Variants in PPP1R16A observed in about 807,000 individuals in gnomAD.
The protein encoded by PPP1R16A is protein phosphatase 1 regulatory subunit 16A.
A neutral mutation model predicts 46.6 loss-of-function variants in PPP1R16A; 39 were observed. The ratio of observed to expected loss-of-function variants is 0.84; its 90% CI spans 0.65 to 1.09. The LOEUF (loss-of-function observed/expected upper bound fraction) is 1.09. PPP1R16A is among the 50% of genes least tolerant of loss of function. The pLI is 0.00. For synonymous variants in PPP1R16A, 413 were observed against 321.5 expected, an observed-to-expected ratio of 1.28 and a Z score of -3.04; for missense variants, 798 against 735.6, an observed-to-expected ratio of 1.08 and a Z score of -0.98.
rs1336468872 is a variant in PPP1R16A at position 144,497,446 on chromosome 8, GGAA to G, written c.257_259del (p.Glu86del). The G allele has an allele frequency of 1.2e-6, 2 of 1,612,866 alleles. No individual in the cohort carries two copies. Among genetic ancestry groups the G allele is most frequent in the Non-Finnish European group, 8.5e-7 (1 of 1,180,004 alleles). The stretch of plus-strand genomic sequence containing the variant: ...TGGAGGCCGCTGCCCGAAATGACCT[GGAA>G]GAAGGTGAGTGTGGCTGAGCCCAGA... On this transcript the variant is annotated inframe_deletion, in exon 3 of 12. Transcript: ENST00000435887.
chr8:144,494,613 C>T (rs919192240), intron 2 of PPP1R16A, among the ~76,000 whole-genome samples: 1 of 152,206 alleles, frequency 6.6e-6, no homozygotes, highest in African/African-American at 2.4e-5. Context: ...AAATCTTAAT[C>T]TTTCCTTCCC....
In PPP1R16A at chr8:144,493,700, C is replaced by A. The variant is rs1259173915; in HGVS notation, c.-734-2761C>A. On this transcript the variant is annotated intron_variant, in intron 2 of 11. Coordinates refer to ENST00000435887, the MANE Select transcript of PPP1R16A (RefSeq NM_001329443.2). This position sits in a 1 kb window ranked among gnomAD's most constrained non-coding sequence, Gnocchi z 4.3. Reference sequence around the variant, plus strand: ...TGGGGGGAGGTGGGCACTGGGACACCCCCTGGCACCCACTCTTGGGGGGCC... The same window carrying A: ...TGGGGGGAGGTGGGCACTGGGACACACCCTGGCACCCACTCTTGGGGGGCC... 6.6e-6 allele frequency among the ~76,000 whole-genome samples: 1 copy of A among 152,040 alleles called. No homozygotes were observed. Among genetic ancestry groups the A allele is most frequent in the Non-Finnish European group, 1.5e-5 (1 of 67,974 alleles).
Position 144,500,396 on chromosome 8 carries a change from G to C in PPP1R16A, c.705+5G>C. 6.6e-7 allele frequency: 1 copy of C among 1,523,608 alleles called. No individual in the cohort carries two copies. The allele number at this position is 1,523,608 out of a possible 1,614,324, so 94.4% of individuals were successfully genotyped here. A position where few individuals can be genotyped will look rare whatever the true frequency, so the allele number is the denominator to read the frequency against. On this transcript the variant is annotated splice_donor_5th_base_variant and intron_variant, in intron 7 of 11. Transcript: ENST00000435887. ...CTGGACCACGGGGCCACGCTGGTGA[G>C]GGCTGGGGGGTGAGGGGCACACGGG... is the stretch of plus-strand genomic sequence containing the variant.
In PPP1R16A at chr8:144,497,238, G is replaced by A. The variant is rs1826117926; in HGVS notation, c.44G>A (p.Gly15Asp). 9 of 1,603,318 alleles carry A rather than the reference G, an allele frequency of 5.6e-6. No homozygotes were observed. Among genetic ancestry groups the A allele is most frequent in the Non-Finnish European group, 7.7e-6 (9 of 1,176,130 alleles). The change falls in exon 3 of 12, where the codon GGC (glycine) becomes GAC (aspartate). Residue 15 changes from glycine (G) to aspartate (D), a missense_variant. Gly to Asp is a moderately conservative substitution (Grantham distance 94). Coordinates refer to ENST00000435887, the MANE Select transcript of PPP1R16A (RefSeq NM_001329443.2). ...LELLAEMPMV[G>D]RMSTQERLKH... ...CTGCTGGCAGAGATGCCCATGGTGG[G>A]CAGGATGAGCACACAGGAGCGGCTG...
At chr8:144,499,310 C>G (rs1438476798) in intron 5 of PPP1R16A, 1 of 547,602 alleles carries the variant, frequency 1.8e-6, no homozygotes, top group Non-Finnish European at 3.2e-6. Context: ...CCTCGGGCCC[C>G]CCCCCAGAGT....
chr8:144,496,982 CTGCCCTCCCTGCCCCGGCCCA>C lies in PPP1R16A; in HGVS notation c.-207_-187del. The C allele has an allele frequency of 1.6e-6, 1 of 640,846 alleles. No homozygotes were observed. The highest frequency in any genetic ancestry group is 2.7e-6 in the Non-Finnish European group (1 of 374,568). The allele number at this position is 640,846 out of a possible 1,614,324, so 39.7% of individuals were successfully genotyped here. ...AGCAGGTTTGGGGTGCCCTCCCACACTGCCCTCCCTGCCCCGGCCCATGCCCCCCAGGGCTGCCTGGGCCTG... is the reference window on the plus strand; with the variant it reads ...AGCAGGTTTGGGGTGCCCTCCCACACTGCCCCCCAGGGCTGCCTGGGCCTG... On this transcript the variant is annotated 5_prime_UTR_variant, in exon 3 of 12. An upstream start codon of the reference 5' UTR is lost. Coordinates refer to ENST00000435887, the MANE Select transcript of PPP1R16A (RefSeq NM_001329443.2).
intron 3 of PPP1R16A, chr8:144,498,248 C>T (rs376945484): frequency 2.2e-5 from 8 of 365,468 alleles, no homozygotes; most frequent in East Asian, 7.5e-5. Flanking sequence ...CCCCAGGCAC[C>T]GTCAGGGAGA....
chr8:144,498,427 C>T (rs1826207744), intron 3 of PPP1R16A: 2 of 359,630 alleles, frequency 5.6e-6, no homozygotes, highest in African/African-American at 2.0e-5. Flanking sequence ...GCCGAAGGAG[C>T]TGTGGTAGCC....
At chr8:144,494,438 G>A (rs1390871381) in intron 2 of PPP1R16A, among the ~76,000 whole-genome samples, 2 of 151,872 alleles carry the variant, frequency 1.3e-5, no homozygotes, top group African/African-American at 4.8e-5. Context: ...TCAGCCTCCC[G>A]AGGAGGTGGG....
At chr8:144,486,342 C>T (rs146430568) in intron 1 of PPP1R16A, among the ~76,000 whole-genome samples, 2,976 of 152,278 alleles carry the variant, frequency 0.02, 35 homozygotes, top group Non-Finnish European at 0.032. Flanking sequence ...GCTGGGATTA[C>T]AGGCGTGAGC....
rs776379128 is a variant in PPP1R16A, at chr8:144,499,027, G to A, written c.442G>A (p.Gly148Ser). 9 of 1,589,462 alleles carry A rather than the reference G, an allele frequency of 5.7e-6. No homozygotes were observed. The highest frequency in any genetic ancestry group is 1.7e-5 in the Admixed American group (1 of 59,692). ...GCCTCTGCATGCTGCGGCCACCTGC[G>A]GCCACCTGCACCTGGTGGAGCTGCT... is the stretch of plus-strand genomic sequence containing the variant. ...WTPLHAAATC[G>S]HLHLVELLIA... The change falls in exon 5 of 12, where the codon GGC (glycine) becomes AGC (serine). Residue 148 changes from glycine to serine, a missense_variant. Transcript: ENST00000435887.
At position 144,493,504 on chromosome 8, in the gene PPP1R16A, A is replaced by G. The variant is rs1445068355; in HGVS notation, c.-734-2957A>G. 1.3e-5 allele frequency among the ~76,000 whole-genome samples: 2 copies of G among 152,188 alleles called. No individual in the cohort carries two copies. The highest frequency in any genetic ancestry group is 6.5e-5 in the Admixed American group (1 of 15,286). On this transcript the variant is annotated intron_variant, in intron 2 of 11. Coordinates refer to ENST00000435887, the MANE Select transcript of PPP1R16A (RefSeq NM_001329443.2). This position sits in a 1 kb window ranked among gnomAD's most constrained non-coding sequence, Gnocchi z 4.3. The stretch of plus-strand genomic sequence containing the variant: ...GGTCCATCTTGTGGCTGGGAGGAGT[A>G]GACAAAGCTTCCACTAGAAGTTCTG...
Position 144,497,282 on chromosome 8 carries a change from C to A in PPP1R16A, c.88C>A (p.Arg30Ser). The A allele has an allele frequency of 6.2e-7, 1 of 1,611,292 alleles. No individual in the cohort carries two copies. ...GCGGCTGAAGCATGCCCAGAAGCGG[C>A]GCGCCCAGCAGGTGAAGATGTGGGC... ...QERLKHAQKR[R>S]AQQVKMWAQA... Residue 30 changes from arginine to serine, a missense_variant, in exon 3 of 12, where the codon CGC becomes AGC. Arg to Ser is a moderately radical substitution (Grantham distance 110). Transcript: ENST00000435887.
chr8:144,487,260 G>T (rs952279396), intron 1 of PPP1R16A, among the ~76,000 whole-genome samples: 21 of 152,266 alleles, frequency 1.4e-4, no homozygotes, highest in Non-Finnish European at 2.1e-4. Flanking sequence ...GATTACAGGC[G>T]TAAGTCACTG....
Position 144,501,694 on chromosome 8 carries a change from AAGCG to A in PPP1R16A, c.1379_1382del (p.Lys460ThrfsTer31). 6.2e-7 allele frequency: 1 copy of A among 1,604,728 alleles called. No individual in the cohort carries two copies. The highest frequency in any genetic ancestry group is 8.5e-7 in the Non-Finnish European group (1 of 1,176,584). ...GGCCCACCACACCCTGGCTGACCTG[AAGCG>A]CCAGCGAGCTGCTGCCAAGCTGCAG... On this transcript the variant is annotated frameshift_variant, in exon 12 of 12. Transcript: ENST00000435887. LOFTEE classifies it low-confidence loss of function (END_TRUNC).
chr8:144,489,710 C>T (rs759979595), intron 1 of PPP1R16A, among the ~76,000 whole-genome samples: 2 of 152,182 alleles, frequency 1.3e-5, no homozygotes, highest in Non-Finnish European at 2.9e-5. Context: ...TGCAACTCAG[C>T]TCCAGTCCCC....
rs1826554951 is a variant in PPP1R16A, at chr8:144,502,095, CTTGAT to C, written c.*193_*197del. On this transcript the variant is annotated 3_prime_UTR_variant, in exon 12 of 12. Transcript: ENST00000435887. ...CAAAGACTATTTTTATCCTGCAACT[CTTGAT>C]AAAGGGCTGTTTTGCCATGGAGCCT... 6 of 576,874 alleles carry C rather than the reference CTTGAT, an allele frequency of 1.0e-5. No homozygotes were observed. 35.7% of individuals were successfully genotyped at this position (576,874 alleles called of 1,614,324 possible).
intron 1 of PPP1R16A, among the ~76,000 whole-genome samples, chr8:144,482,231 C>G (rs1051697125): frequency 6.6e-6 from 1 of 151,958 alleles, no homozygotes; most frequent in Admixed American, 6.5e-5. Context: ...TACCACCACA[C>G]CCAGCTAATT....
chr8:144,479,550 C>T (rs565094929), intron 1 of PPP1R16A, among the ~76,000 whole-genome samples: 2 of 152,244 alleles, frequency 1.3e-5, no homozygotes, highest in African/African-American at 2.4e-5. Context: ...CAAGGGGGCT[C>T]CTCCTGTATG....
Sources: gnomAD v4.1 joint callset for allele counts (sites outside exome capture counted in the v4.1 genomes callset) on GRCh38, gnomAD v4.1.1 for gene constraint, Gnocchi (gnomAD v3.1) non-coding constraint, MANE v1.5 for transcripts, NCBI Gene and HGNC (gene_info 2026-07-23, HGNC 2026-07-21) for gene names.